NKAIN3: variants seen among roughly 807,000 people sequenced by gnomAD.
NKAIN3 encodes sodium/potassium-transporting ATPase subunit beta-1-interacting protein 3.
NKAIN3 carries 25 observed loss-of-function variants against 30.2 expected under a neutral mutation model. That is an observed-to-expected ratio of 0.83 (90% CI 0.60 to 1.16). The LOEUF (loss-of-function observed/expected upper bound fraction) is 1.16, where lower values mean the gene tolerates loss of function less well. Among genes scored for constraint, NKAIN3 ranks in the 50% most tolerant of loss-of-function variants. The pLI is 0.00. For synonymous variants in NKAIN3, 91 were observed against 89.6 expected (o/e 1.02, Z -0.09); for missense variants, 225 against 254.1 (o/e 0.89, Z 0.78).
Position 62,862,954 on chromosome 8 carries a change from T to A in NKAIN3, c.472-55499T>A, listed in dbSNP as rs143592611. ...GACACAGTTTTCAGTGTTTTAAGTG[T>A]CTGTGTGTATGCATATATGTGTGTG... On this transcript the variant is annotated intron_variant, in intron 4 of 6. Coordinates refer to ENST00000623646, the MANE Select transcript of NKAIN3 (RefSeq NM_001304533.3). The A allele has an allele frequency of 6.5e-3, 2,809 of 432,948 alleles. 16 individuals are homozygous for A. Among genetic ancestry groups the A allele is most frequent in the South Asian group, 8.3e-3 (383 of 46,274 alleles). The allele number at this position is 432,948 out of a possible 1,614,324, so 26.8% of individuals were successfully genotyped here.
chr8:62,263,865 C>T (rs539026815), intron 1 of NKAIN3, among the ~76,000 whole-genome samples: 2 of 152,182 alleles, frequency 1.3e-5, no homozygotes, highest in Admixed American at 6.6e-5. Context: ...ATATGAACTT[C>T]GATACATGCA....
intron 5 of NKAIN3, among the ~76,000 whole-genome samples, chr8:62,941,768 T>A (rs1447065788): frequency 6.6e-6 from 1 of 151,946 alleles, no homozygotes; most frequent in East Asian, 1.9e-4. Flanking sequence ...TACCTTAAGG[T>A]CATAAAAGCC....
chr8:62,821,178 T>C (rs942726279), intron 4 of NKAIN3, among the ~76,000 whole-genome samples: 7 of 152,142 alleles, frequency 4.6e-5, no homozygotes, highest in African/African-American at 1.7e-4. Context: ...TGTTTCCTTT[T>C]ATTTTGTATC....
intron 5 of NKAIN3, among the ~76,000 whole-genome samples, chr8:62,995,596 G>A (rs1429088354): frequency 6.6e-6 from 1 of 152,158 alleles, no homozygotes; most frequent in Non-Finnish European, 1.5e-5. Flanking sequence ...TGTGGTAGAA[G>A]GAAGATGGAG....
At chr8:62,264,622 G>C (rs578006664) in intron 1 of NKAIN3, among the ~76,000 whole-genome samples, 3 of 152,236 alleles carry the variant, frequency 2.0e-5, no homozygotes, top group Non-Finnish European at 2.9e-5. Flanking sequence ...GATGCAGTTG[G>C]AGTTTACTTG....
Position 62,972,892 on chromosome 8 carries a change from T to A in NKAIN3, c.*7485T>A, listed in dbSNP as rs2198689. On this transcript the variant is annotated 3_prime_UTR_variant, in exon 7 of 7. Coordinates refer to ENST00000623646, the MANE Select transcript of NKAIN3 (RefSeq NM_001304533.3). Reference sequence around the variant, plus strand: ...TCCCTGTGCCCATATGTTCTCATTGTTCAACTCCCACTTAAGAGTAAGAAT... The same window carrying A: ...TCCCTGTGCCCATATGTTCTCATTGATCAACTCCCACTTAAGAGTAAGAAT... 0.4 allele frequency among the ~76,000 whole-genome samples: 60,088 copies of A among 149,042 alleles called. 12,508 individuals carry two copies. Among genetic ancestry groups the A allele is most frequent in the South Asian group, 0.5 (2,271 of 4,558 alleles).
intron 1 of NKAIN3, among the ~76,000 whole-genome samples, chr8:62,573,168 A>T (rs1810001233): frequency 6.6e-6 from 1 of 152,178 alleles, no homozygotes; most frequent in Non-Finnish European, 1.5e-5. Flanking sequence ...AGCCCATTCC[A>T]ACCTCTCTTA....
intron 4 of NKAIN3, among the ~76,000 whole-genome samples, chr8:62,760,633 G>A (rs1202198005): frequency 6.8e-6 from 1 of 148,132 alleles, no homozygotes; most frequent in Non-Finnish European, 1.5e-5. Context: ...TTGTGGTGTG[G>A]GGGGAGGGGG....
intron 3 of NKAIN3, among the ~76,000 whole-genome samples, chr8:62,615,504 C>T (rs567622447): frequency 1.6e-3 from 244 of 152,250 alleles, no homozygotes; most frequent in Non-Finnish European, 2.9e-3. Context: ...CACATGACCC[C>T]TCGGTCCACT....
In NKAIN3 at chr8:62,973,030, C is replaced by T. The variant is rs1028980342; in HGVS notation, c.*7623C>T. Reference sequence around the variant, plus strand: ...CATTTTTTATGGCTGCATAGTATTCCATGGTGTATATGTGCCACATTTTCT... The same window carrying T: ...CATTTTTTATGGCTGCATAGTATTCTATGGTGTATATGTGCCACATTTTCT... On this transcript the variant is annotated 3_prime_UTR_variant, in exon 7 of 7. Transcript: ENST00000623646. 6.6e-6 allele frequency among the ~76,000 whole-genome samples: 1 copy of T among 152,102 alleles called. No homozygotes were observed. The highest frequency in any genetic ancestry group is 6.6e-5 in the Admixed American group (1 of 15,264).
intron 4 of NKAIN3, among the ~76,000 whole-genome samples, chr8:62,748,234 G>A (rs939334280): frequency 6.6e-6 from 1 of 152,068 alleles, no homozygotes; most frequent in African/African-American, 2.4e-5. Context: ...ATGTGAGCCT[G>A]TCAATCTTGA....
At chr8:62,479,896 G>A (rs771369891) in intron 1 of NKAIN3, among the ~76,000 whole-genome samples, 10 of 152,216 alleles carry the variant, frequency 6.6e-5, no homozygotes, top group Non-Finnish European at 1.2e-4. Context: ...AGACAATAAG[G>A]AAACAAGTGA....
chr8:62,722,971 C>A lies in NKAIN3; in HGVS notation c.274-23961C>A, dbSNP rs1256135177. Among the ~76,000 whole-genome samples the A allele has an allele frequency of 3.9e-5, 6 of 152,208 alleles. No individual in the cohort carries two copies. The South Asian group carries it at 8.3e-4, about 21-fold the overall frequency. On this transcript the variant is annotated intron_variant, in intron 3 of 6. Transcript: ENST00000623646. ...ATTGGTGGTGACAAATAAGAACCTG[C>A]CAGAGAGGTTTTTACCATCTTCAAC...
intron 5 of NKAIN3, among the ~76,000 whole-genome samples, chr8:62,923,127 T>C (rs370865282): frequency 2.2e-4 from 34 of 152,128 alleles, no homozygotes; most frequent in East Asian, 2.1e-3. Flanking sequence ...TGAGACCTCA[T>C]CTCTACCAAA....
intron 5 of NKAIN3, among the ~76,000 whole-genome samples, chr8:62,933,972 C>T (rs573370815): frequency 6.6e-6 from 1 of 152,192 alleles, no homozygotes; most frequent in East Asian, 1.9e-4. Context: ...AATTACTGAG[C>T]TCTTGACAAA....
chr8:62,751,692 G>A (rs1816287612), intron 4 of NKAIN3, among the ~76,000 whole-genome samples: 1 of 152,068 alleles, frequency 6.6e-6, no homozygotes, highest in African/African-American at 2.4e-5. Context: ...AACTTCAGAT[G>A]TATACATAAC....
chr8:62,870,226 C>CTA (rs1303010696), intron 4 of NKAIN3, among the ~76,000 whole-genome samples: 13 of 136,642 alleles, frequency 9.5e-5, no homozygotes, highest in African/African-American at 3.2e-4. Context: ...ATATCTATAT[C>CTA]TATATATAGA....
At chr8:62,828,300 G>T (rs188104460) in intron 4 of NKAIN3, among the ~76,000 whole-genome samples, 4 of 152,092 alleles carry the variant, frequency 2.6e-5, no homozygotes, top group African/African-American at 9.6e-5. Context: ...GTTCTTTGAG[G>T]TGATAAAACT....
intron 1 of NKAIN3, among the ~76,000 whole-genome samples, chr8:62,517,932 A>G (rs1808043948): frequency 6.6e-6 from 1 of 152,168 alleles, no homozygotes; most frequent in Non-Finnish European, 1.5e-5. Context: ...GTATCTATAT[A>G]TATATATCTA....
Sources: allele counts gnomAD v4.1 joint callset (sites outside exome capture counted in the v4.1 genomes callset), GRCh38; gene constraint gnomAD v4.1.1; transcripts MANE v1.5; gene names NCBI Gene and HGNC (gene_info 2026-07-23, HGNC 2026-07-21).